THRB: variants seen among roughly 807,000 people sequenced by gnomAD.
THRB encodes the protein thyroid hormone receptor beta, also known as nuclear receptor subfamily 1 group A member 2.
Under a neutral mutation model 47.8 loss-of-function variants are expected in THRB, and 12 were observed. That is an observed-to-expected ratio of 0.25 (90% CI 0.16 to 0.41). THRB has a LOEUF of 0.41. Among genes scored for constraint, THRB ranks in the 10% least tolerant of loss-of-function variants. The probability of loss-of-function intolerance (pLI) is 1.00; values close to 1 mark genes in which losing one functional copy is unlikely to be tolerated. For synonymous variants in THRB, 218 were observed against 212.2 expected (o/e 1.03, Z -0.24); for missense variants, 348 against 589.2 (o/e 0.59, Z 4.24).
chr3:24,205,740 T>C (rs1244267246), intron 4 of THRB, among the ~76,000 whole-genome samples: 12 of 152,170 alleles, frequency 7.9e-5, no homozygotes, highest in Non-Finnish European at 1.5e-5. Flanking sequence ...ATCAGTGTGC[T>C]GTATTCAGGA....
chr3:24,262,285 T>C (rs2052143555), intron 3 of THRB, among the ~76,000 whole-genome samples: 1 of 152,226 alleles, frequency 6.6e-6, no homozygotes, highest in Non-Finnish European at 1.5e-5. Flanking sequence ...ATTTTTATAA[T>C]AACCTGGTCT....
chr3:24,275,873 C>G (rs1576472110), intron 3 of THRB, among the ~76,000 whole-genome samples: 2 of 152,270 alleles, frequency 1.3e-5, no homozygotes, highest in African/African-American at 4.8e-5. Flanking sequence ...CTCCCCATAA[C>G]CCTCTACATT....
At chr3:24,180,827 T>C in intron 5 of THRB, among the ~76,000 whole-genome samples, 1 of 152,174 alleles carries the variant, frequency 6.6e-6, no homozygotes, top group Non-Finnish European at 1.5e-5. Context: ...ATGTGCTTCC[T>C]AGACTGCAAT....
Position 24,280,527 on chromosome 3 carries a change from C to T in THRB, c.-43+16699G>A, listed in dbSNP as rs963953152. On this transcript the variant is annotated intron_variant, in intron 3 of 10. Coordinates refer to ENST00000646209, the MANE Select transcript of THRB (RefSeq NM_001354712.2). ...AAACTGGAAACTCTAAAAAGCAGAG[C>T]GCCTCTCCTCCTCCAAAGGAATGCA... Among the ~76,000 whole-genome samples the T allele has an allele frequency of 3.3e-4, 50 of 152,138 alleles. 1 individual carries two copies. The highest frequency in any genetic ancestry group is 1.0e-3 in the South Asian group (5 of 4,818).
chr3:24,424,879 G>T (rs965590107), intron 1 of THRB, among the ~76,000 whole-genome samples: 2 of 151,828 alleles, frequency 1.3e-5, no homozygotes, highest in African/African-American at 2.4e-5. Flanking sequence ...TACAAGAAAA[G>T]ATCAAATTTT....
intron 3 of THRB, among the ~76,000 whole-genome samples, chr3:24,287,359 A>G (rs914147297): frequency 6.6e-6 from 1 of 152,166 alleles, no homozygotes; most frequent in Non-Finnish European, 1.5e-5. Context: ...CTGCAGTTGG[A>G]CTGTATGTTT....
intron 3 of THRB, among the ~76,000 whole-genome samples, chr3:24,256,357 C>T (rs1205244264): frequency 1.3e-5 from 2 of 152,032 alleles, no homozygotes; most frequent in Non-Finnish European, 2.9e-5. Flanking sequence ...AAATGGTGCT[C>T]ATTTATTCTC....
At chr3:24,279,985 T>C (rs545597450) in intron 3 of THRB, among the ~76,000 whole-genome samples, 6 of 152,272 alleles carry the variant, frequency 3.9e-5, no homozygotes, top group East Asian at 3.9e-4. Flanking sequence ...AAGGGGTCCA[T>C]AGACTTCACC....
chr3:24,164,895 C>T (rs2039427517), intron 5 of THRB: 3 of 596,062 alleles, frequency 5.0e-6, no homozygotes, highest in Admixed American at 5.9e-5. Context: ...ACCCCTCTTA[C>T]TGCCGTTTTT....
intron 1 of THRB, among the ~76,000 whole-genome samples, chr3:24,341,880 C>T (rs2062679299): frequency 6.6e-6 from 1 of 152,086 alleles, no homozygotes; most frequent in Non-Finnish European, 1.5e-5. Context: ...ACCAAGGCCA[C>T]CCCAGGTCAG....
At chr3:24,182,127 G>A (rs2041977925) in intron 5 of THRB, among the ~76,000 whole-genome samples, 1 of 152,184 alleles carries the variant, frequency 6.6e-6, no homozygotes, top group Admixed American at 6.5e-5. Flanking sequence ...CGTGAACCCG[G>A]GAGGTGGAGC....
At chr3:24,401,836 G>T (rs1247385927) in intron 1 of THRB, among the ~76,000 whole-genome samples, 3 of 151,886 alleles carry the variant, frequency 2.0e-5, no homozygotes, top group Non-Finnish European at 4.4e-5. Context: ...TAGGGTAGGG[G>T]GATAAATATG....
intron 3 of THRB, among the ~76,000 whole-genome samples, chr3:24,254,660 G>C (rs184402643): frequency 1.3e-4 from 20 of 152,236 alleles, no homozygotes; most frequent in African/African-American, 4.6e-4. Flanking sequence ...TTGCTATCAG[G>C]GTTTTTCCTC....
At chr3:24,246,644 T>C (rs2050137017) in intron 3 of THRB, among the ~76,000 whole-genome samples, 1 of 152,180 alleles carries the variant, frequency 6.6e-6, no homozygotes, top group African/African-American at 2.4e-5. Context: ...ATGTCTCTGT[T>C]GGGACTTCAA....
In THRB at chr3:24,152,450, T is replaced by A; in HGVS notation, c.324A>T (p.Val108=). 1 of 1,611,696 alleles carries A rather than the reference T, an allele frequency of 6.2e-7. No homozygotes were observed. The highest frequency in any genetic ancestry group is 8.5e-7 in the Non-Finnish European group (1 of 1,177,868). ...ACCCGGTGGCTTTGTCACCACACAC[T>A]ACACAGAGCTCGTCCTTGTCTAAGT... ...PSYLDKDELC[V]VCGDKATGYH... Residue 108 remains valine (V), a synonymous_variant, in exon 6 of 11, where the codon GTA becomes GTT. Transcript: ENST00000646209.
At chr3:24,307,457 G>A (rs551240728) in intron 2 of THRB, among the ~76,000 whole-genome samples, 4 of 151,524 alleles carry the variant, frequency 2.6e-5, no homozygotes, top group Admixed American at 2.6e-4. Flanking sequence ...CATCATAACC[G>A]AACCATTTTC....
chr3:24,307,224 A>G (rs2057413284), intron 2 of THRB, among the ~76,000 whole-genome samples: 1 of 149,884 alleles, frequency 6.7e-6, no homozygotes, highest in Admixed American at 6.7e-5. Flanking sequence ...TTTACTGAAG[A>G]GAAATAACAT....
intron 2 of THRB, among the ~76,000 whole-genome samples, chr3:24,315,006 C>G (rs374684853): frequency 6.6e-6 from 1 of 152,136 alleles, no homozygotes; most frequent in African/African-American, 2.4e-5. Context: ...CTGCCCCCGA[C>G]GGAAAAGCTT....
At chr3:24,298,150 ATATT>A (rs779913784) in intron 2 of THRB, among the ~76,000 whole-genome samples, 42 of 152,288 alleles carry the variant, frequency 2.8e-4, no homozygotes, top group Non-Finnish European at 4.6e-4. Flanking sequence ...TACATAGAGG[ATATT>A]TATTTATTTA....
Sources: gnomAD v4.1 joint callset for allele counts (sites outside exome capture counted in the v4.1 genomes callset) on GRCh38, gnomAD v4.1.1 for gene constraint, MANE v1.5 for transcripts, NCBI Gene and HGNC (gene_info 2026-07-23, HGNC 2026-07-21) for gene names.